The following FFAR4 variants were observed in gnomAD, a reference collection of about 807,000 sequenced individuals.
FFAR4 encodes the protein free fatty acid receptor 4, also known as G-protein coupled receptor 120.
In FFAR4, 19 loss-of-function variants were observed where a neutral mutation model predicts 27.0. That is an observed-to-expected ratio of 0.70 (90% confidence interval 0.49 to 1.03). The LOEUF (loss-of-function observed/expected upper bound fraction) is 1.03, where lower values mean the gene tolerates loss of function less well. Among genes scored for constraint, FFAR4 ranks in the 50% least tolerant of loss-of-function variants. The pLI is 0.00. For synonymous variants in FFAR4, 254 were observed against 215.6 expected (o/e 1.18, Z -1.56); for missense variants, 476 against 479.0 (o/e 0.99, Z 0.06).
intron 1 of FFAR4, among the ~76,000 whole-genome samples, chr10:93,573,531 C>T (rs1589675162): frequency 6.6e-6 from 1 of 152,178 alleles, no homozygotes; most frequent in Non-Finnish European, 1.5e-5. Flanking sequence ...CAAGTTATGA[C>T]ACCAACTTGG....
At chr10:93,584,639 C>G (rs947594286) in intron 2 of FFAR4, among the ~76,000 whole-genome samples, 1 of 152,128 alleles carries the variant, frequency 6.6e-6, no homozygotes, top group Non-Finnish European at 1.5e-5. Flanking sequence ...GACCTAAACT[C>G]CTGCACAGAG....
chr10:93,576,907 T>TG (rs1248565889), intron 2 of FFAR4, among the ~76,000 whole-genome samples: 1 of 152,228 alleles, frequency 6.6e-6, no homozygotes, highest in African/African-American at 2.4e-5. Context: ...AAAAGCACAC[T>TG]GAGCATAGGT....
At chr10:93,587,004 G>A (rs11187536) in intron 2 of FFAR4, among the ~76,000 whole-genome samples, 6 of 151,878 alleles carry the variant, frequency 4.0e-5, no homozygotes, top group Non-Finnish European at 1.5e-5. Context: ...CCCTCATAAC[G>A]CTGTTTAGAA....
At position 93,574,835 on chromosome 10, in the gene FFAR4, G is replaced by A. The variant is rs190816901; in HGVS notation, c.568-1256G>A. 1.2e-3 allele frequency among the ~76,000 whole-genome samples: 181 copies of A among 152,226 alleles called. 1 individual carries two copies. Among genetic ancestry groups the A allele is most frequent in the Admixed American group, 0.011 (168 of 15,290 alleles). The stretch of plus-strand genomic sequence containing the variant: ...AATCGCTTGAACCTGGGAGGCGGAG[G>A]TTGCAGTGAGCCGAGATCGCGCCAC... On this transcript the variant is annotated intron_variant, in intron 1 of 2. Coordinates refer to ENST00000371481, the MANE Select transcript of FFAR4 (RefSeq NM_001195755.2).
In FFAR4 at chr10:93,567,179, G is replaced by T; in HGVS notation, c.459G>T (p.Arg153=). ...GCGGCGTGCGGGGTCCTGGGCGGCG[G>T]GCGCGGGCAGTGCTGCTGGCGCTCA... ...LQRGVRGPGR[R]ARAVLLALIW... is the part of the protein sequence containing the mutation. Residue 153 remains arginine (R), a synonymous_variant, in exon 1 of 3, where the codon CGG becomes CGT. Coordinates refer to ENST00000371481, the MANE Select transcript of FFAR4 (RefSeq NM_001195755.2). The T allele has an allele frequency of 6.2e-7, 1 of 1,603,672 alleles. No homozygotes were observed.
rs539224266 is a variant in FFAR4, at chr10:93,587,941, A to G, written c.*332A>G. On this transcript the variant is annotated 3_prime_UTR_variant, in exon 3 of 3. Coordinates refer to ENST00000371481, the MANE Select transcript of FFAR4 (RefSeq NM_001195755.2). ...GTCTCTACTAAAAATAAAAAAAAAA[A>G]TTAGCTGGGAGTGGTGGTGGGCACC... The G allele has an allele frequency of 1.1e-4, 19 of 180,776 alleles. No homozygotes were observed. The East Asian group carries it at 1.7e-3, about 16-fold the overall frequency. 11.2% of individuals were successfully genotyped at this position (180,776 alleles called of 1,614,324 possible).
At chr10:93,575,284 G>C (rs1249497754) in intron 1 of FFAR4, among the ~76,000 whole-genome samples, 1 of 152,208 alleles carries the variant, frequency 6.6e-6, no homozygotes. Context: ...AGTATATACA[G>C]ACACACAGAT....
intron 2 of FFAR4, among the ~76,000 whole-genome samples, chr10:93,581,499 T>G (rs2058197141): frequency 6.6e-6 from 1 of 152,056 alleles, no homozygotes; most frequent in African/African-American, 2.4e-5. Flanking sequence ...CCTCTACCCA[T>G]CCCCACATGT....
At position 93,566,919 on chromosome 10, in the gene FFAR4, C is replaced by T. The variant is rs61866610; in HGVS notation, c.199C>T (p.Arg67Cys). ...CGTGTGCGCCCTGGTGCTGGTGGCG[C>T]GCCGACGACGCCGCGGCGCGACTGC... The part of the protein sequence containing the change: ...GNVCALVLVA[R>C]RRRRGATACL... The change falls in exon 1 of 3, where the codon CGC becomes TGC. Residue 67 changes from arginine (R) to cysteine (C), a missense_variant. Arg to Cys is a radical substitution (Grantham distance 180). Coordinates refer to ENST00000371481, the MANE Select transcript of FFAR4 (RefSeq NM_001195755.2). 0.067 allele frequency: 107,946 copies of T among 1,609,288 alleles called. 7,469 individuals are homozygous for T. Among genetic ancestry groups the T allele is most frequent in the East Asian group, 0.35 (15,831 of 44,698 alleles).
chr10:93,566,719 G>T lies in FFAR4; in HGVS notation c.-2G>T, dbSNP rs1564779815. On this transcript the variant is annotated 5_prime_UTR_variant, in exon 1 of 3. Coordinates refer to ENST00000371481, the MANE Select transcript of FFAR4 (RefSeq NM_001195755.2). The stretch of plus-strand genomic sequence containing the variant: ...ACCGCTGCGGGCCGCCAGGCGCCGG[G>T]AATGTCCCCTGAATGCGCGCGGGCA... The T allele has an allele frequency of 5.7e-6, 9 of 1,580,036 alleles. No individual in the cohort carries two copies. The highest frequency in any genetic ancestry group is 6.9e-6 in the Non-Finnish European group (8 of 1,167,434).
chr10:93,584,999 C>T (rs1022268094), intron 2 of FFAR4, among the ~76,000 whole-genome samples: 4 of 152,214 alleles, frequency 2.6e-5, no homozygotes, highest in Non-Finnish European at 5.9e-5. Context: ...TGAGCCACTG[C>T]GCCCAGCCTA....
intron 1 of FFAR4, among the ~76,000 whole-genome samples, chr10:93,568,507 G>C (rs1260666202): frequency 6.6e-6 from 1 of 152,134 alleles, no homozygotes; most frequent in African/African-American, 2.4e-5. Flanking sequence ...TCCCAAAGAG[G>C]GACCTTCGAA....
intron 2 of FFAR4, among the ~76,000 whole-genome samples, chr10:93,585,660 T>A (rs1026390334): frequency 6.6e-6 from 1 of 152,226 alleles, no homozygotes; most frequent in Non-Finnish European, 1.5e-5. Flanking sequence ...GGAACTTGCA[T>A]GATTGCCCAT....
At position 93,576,071 on chromosome 10, in the gene FFAR4, C is replaced by A. The variant is rs556991272; in HGVS notation, c.568-20C>A. 5 of 1,613,078 alleles carry A rather than the reference C, an allele frequency of 3.1e-6. No individual in the cohort carries two copies. In the African/African-American group the frequency reaches 4.0e-5, roughly 13 times the overall value. Reference sequence around the variant, plus strand: ...AAGAAGCCAGCATTTACATGATGTTCTTTTCCTTTTTGTAACTAGGAAATT... The same window carrying A: ...AAGAAGCCAGCATTTACATGATGTTATTTTCCTTTTTGTAACTAGGAAATT... On this transcript the variant is annotated intron_variant, in intron 1 of 2. Transcript: ENST00000371481.
chr10:93,567,622 C>T (rs1209012882), intron 1 of FFAR4, among the ~76,000 whole-genome samples: 1 of 152,122 alleles, frequency 6.6e-6, no homozygotes, highest in African/African-American at 2.4e-5. Flanking sequence ...CATGATTCCT[C>T]GCCAGGTGCT....
At chr10:93,573,062 C>T (rs77075970) in intron 1 of FFAR4, among the ~76,000 whole-genome samples, 12,305 of 152,158 alleles carry the variant, frequency 0.081, 720 homozygotes, top group Non-Finnish European at 0.12. Context: ...GCAGAAACAA[C>T]CCCCCCTGGG....
chr10:93,579,328 C>G (rs772882105), intron 2 of FFAR4: 2 of 825,768 alleles, frequency 2.4e-6, no homozygotes, highest in Non-Finnish European at 4.0e-6. Flanking sequence ...TCATATTTCA[C>G]CCTCCCTTGT....
At chr10:93,583,074 G>A (rs961787986) in intron 2 of FFAR4, among the ~76,000 whole-genome samples, 1 of 151,940 alleles carries the variant, frequency 6.6e-6, no homozygotes, top group African/African-American at 2.4e-5. Flanking sequence ...TTTGGTTAGG[G>A]ATACAGATCC....
intron 2 of FFAR4, 71 bp from the exon 3 acceptor site, chr10:93,587,149 G>T: frequency 1.5e-6 from 2 of 1,376,716 alleles, no homozygotes; most frequent in Non-Finnish European, 2.0e-6. Flanking sequence ...TCCAACTCTT[G>T]GGCCCCTAAC....
Sources: gnomAD v4.1 joint callset for allele counts (sites outside exome capture counted in the v4.1 genomes callset) on GRCh38, gnomAD v4.1.1 for gene constraint, MANE v1.5 for transcripts, NCBI Gene and HGNC (gene_info 2026-07-23, HGNC 2026-07-21) for gene names.